The following ST8SIA6 variants were observed in gnomAD, a reference collection of about 807,000 sequenced individuals.
The protein encoded by ST8SIA6 is alpha-2,8-sialyltransferase 8F.
In ST8SIA6, 39 loss-of-function variants were observed where a neutral mutation model predicts 33.6. That is an observed-to-expected ratio of 1.16 (90% CI 0.90 to 1.52). The LOEUF is 1.52. ST8SIA6 is among the 40% of genes most tolerant of loss of function. ST8SIA6 has a pLI of 0.00. For missense variants in ST8SIA6, 441 were observed against 443.8 expected (o/e 0.99, Z 0.06); for synonymous variants, 172 against 167.2 (o/e 1.03, Z -0.22).
At chr10:17,385,303 T>C (rs1459783302) in intron 3 of ST8SIA6, among the ~76,000 whole-genome samples, 2 of 152,164 alleles carry the variant, frequency 1.3e-5, no homozygotes, top group Non-Finnish European at 2.9e-5. Flanking sequence ...ACACTTCGAG[T>C]CTTCCTGCCT....
chr10:17,400,614 G>A (rs1051939860), intron 2 of ST8SIA6, among the ~76,000 whole-genome samples: 1 of 152,158 alleles, frequency 6.6e-6, no homozygotes, highest in Admixed American at 6.5e-5. Flanking sequence ...GGGATGCAAG[G>A]CTGGTTCAAC....
intron 3 of ST8SIA6, among the ~76,000 whole-genome samples, chr10:17,379,824 C>T (rs748707191): frequency 2.0e-5 from 3 of 152,262 alleles, no homozygotes; most frequent in South Asian, 2.1e-4. Flanking sequence ...TGTCCTCAAC[C>T]GTGGCAAAAT....
chr10:17,429,014 T>C (rs1448999075), intron 2 of ST8SIA6, among the ~76,000 whole-genome samples: 1 of 152,034 alleles, frequency 6.6e-6, no homozygotes, highest in Non-Finnish European at 1.5e-5. Context: ...GTGTGGGGAT[T>C]CATGATGATA....
At chr10:17,438,522 C>T (rs1383350119) in intron 2 of ST8SIA6, among the ~76,000 whole-genome samples, 1 of 152,004 alleles carries the variant, frequency 6.6e-6, no homozygotes, top group African/African-American at 2.4e-5. Context: ...AAATAGGACA[C>T]ATATCTCAAT....
rs188355419 is a variant in ST8SIA6, at chr10:17,318,576, G to T, written c.*2302C>A. On this transcript the variant is annotated 3_prime_UTR_variant, in exon 8 of 8. Transcript: ENST00000377602. ...CTTTCCATTCTCAATGCCCTTAGAT[G>T]TACTTGAGTTTTAAGAGCAGAAGAT... is the stretch of plus-strand genomic sequence containing the variant. The T allele has an allele frequency of 9.0e-5, 39 of 431,848 alleles. No homozygotes were observed. Among genetic ancestry groups the T allele is most frequent in the African/African-American group, 7.8e-4 (38 of 48,658 alleles). 26.8% of individuals were successfully genotyped at this position (431,848 alleles called of 1,614,324 possible).
rs1434280513 is a variant in ST8SIA6, at chr10:17,453,638, T to G, written c.121A>C (p.Arg41=). The change falls in exon 2 of 8, where the codon AGG becomes CGG. Residue 41 remains arginine, a synonymous_variant. Coordinates refer to ENST00000377602, the MANE Select transcript of ST8SIA6 (RefSeq NM_001004470.3). Reference sequence around the variant, plus strand: ...GCGGGGGTGCCGTGGGTGGCCTCCCTGCTTTCCTCCACCAGAATCCTGCAC... The same window carrying G: ...GCGGGGGTGCCGTGGGTGGCCTCCCGGCTTTCCTCCACCAGAATCCTGCAC... ...GRARILVEES[R]EATHGTPAAL... 1.5e-6 allele frequency: 2 copies of G among 1,324,410 alleles called. No individual in the cohort carries two copies. The highest frequency in any genetic ancestry group is 3.0e-5 in the African/African-American group (2 of 66,478). The allele number at this position is 1,324,410 out of a possible 1,614,324, so 82.0% of individuals were successfully genotyped here. A position where few individuals can be genotyped will look rare whatever the true frequency, so the allele number is the denominator to read the frequency against.
At chr10:17,442,607 T>C (rs1000497066) in intron 2 of ST8SIA6, among the ~76,000 whole-genome samples, 3 of 152,216 alleles carry the variant, frequency 2.0e-5, no homozygotes, top group African/African-American at 7.2e-5. Flanking sequence ...TATGTGATCA[T>C]TAATCTCCAA....
intron 2 of ST8SIA6, among the ~76,000 whole-genome samples, chr10:17,419,269 C>T (rs1271047027): frequency 1.3e-5 from 2 of 151,092 alleles, no homozygotes; most frequent in Non-Finnish European, 3.0e-5. Flanking sequence ...CAGTGGCTCA[C>T]ACCTGTAATC....
intron 3 of ST8SIA6, among the ~76,000 whole-genome samples, chr10:17,378,173 T>C (rs1487894307): frequency 6.6e-6 from 1 of 152,176 alleles, no homozygotes; most frequent in Non-Finnish European, 1.5e-5. Context: ...CATGGGGGTA[T>C]GGGCACCCGG....
intron 2 of ST8SIA6, among the ~76,000 whole-genome samples, chr10:17,410,905 TGA>T (rs1183713724): frequency 6.6e-6 from 1 of 152,184 alleles, no homozygotes; most frequent in Non-Finnish European, 1.5e-5. Context: ...AATGAAAGTG[TGA>T]GAGAATTGGC....
intron 3 of ST8SIA6, among the ~76,000 whole-genome samples, chr10:17,385,467 C>A (rs978727971): frequency 1.3e-5 from 2 of 150,294 alleles, no homozygotes; most frequent in African/African-American, 2.5e-5. Context: ...CGGAGTGAGT[C>A]GGAAAAAGGA....
rs542608082 is a variant in ST8SIA6 at position 17,354,127 on chromosome 10, T to TA, written c.377+5386dup. Among the ~76,000 whole-genome samples the TA allele has an allele frequency of 3.3e-5, 5 of 152,260 alleles. No homozygotes were observed. The South Asian group carries it at 8.3e-4, about 25-fold the overall frequency. On this transcript the variant is annotated intron_variant, in intron 4 of 7. Transcript: ENST00000377602. ...ACTGGAGCTCAAAGATCTGCGGGGATAAAACCTGCTTACCAGAAGTTTCCA... is the reference window on the plus strand; with the variant it reads ...ACTGGAGCTCAAAGATCTGCGGGGATAAAAACCTGCTTACCAGAAGTTTCCA...
intron 2 of ST8SIA6, among the ~76,000 whole-genome samples, chr10:17,413,128 C>T (rs762961994): frequency 3.9e-5 from 6 of 152,148 alleles, no homozygotes; most frequent in African/African-American, 1.4e-4. Flanking sequence ...TCTTTTTCAA[C>T]TCTATCAAAG....
intron 2 of ST8SIA6, among the ~76,000 whole-genome samples, chr10:17,423,348 C>T (rs971713570): frequency 3.3e-5 from 5 of 152,226 alleles, no homozygotes; most frequent in East Asian, 3.9e-4. Context: ...CATCTGTTTT[C>T]GTAGCATCTT....
intron 2 of ST8SIA6, among the ~76,000 whole-genome samples, chr10:17,404,880 T>A (rs74854812): frequency 0.032 from 4,937 of 152,304 alleles, 82 homozygotes; most frequent in South Asian, 0.055. Context: ...CTTCTTTAAC[T>A]GAGCTATTTT....
intron 2 of ST8SIA6, among the ~76,000 whole-genome samples, chr10:17,411,136 CAGAA>C (rs1248960743): frequency 6.6e-6 from 1 of 152,066 alleles, no homozygotes; most frequent in Non-Finnish European, 1.5e-5. Context: ...TCAGACAACT[CAGAA>C]GGAATAACCC....
At chr10:17,388,693 ACTGACTACAT>A (rs1850471751) in intron 3 of ST8SIA6, among the ~76,000 whole-genome samples, 2 of 152,180 alleles carry the variant, frequency 1.3e-5, no homozygotes, top group South Asian at 4.1e-4. Context: ...ATCAGACCTA[ACTGACTACAT>A]CTTGCTTCTA....
intron 2 of ST8SIA6, among the ~76,000 whole-genome samples, chr10:17,453,083 TAAG>T (rs1852973756): frequency 6.6e-6 from 1 of 151,646 alleles, no homozygotes; most frequent in Admixed American, 6.6e-5. Context: ...ATGTGAATGA[TAAG>T]AAAAAAAATT....
Position 17,320,153 on chromosome 10 carries a change from A to T in ST8SIA6, c.*725T>A, listed in dbSNP as rs1229073246. On this transcript the variant is annotated 3_prime_UTR_variant, in exon 8 of 8. Transcript: ENST00000377602. Reference sequence around the variant, plus strand: ...ACAGGTAAGAAAGACTGGGTATTGTAACTGTTCACGTCCTTGAAGTATATC... The same window carrying T: ...ACAGGTAAGAAAGACTGGGTATTGTTACTGTTCACGTCCTTGAAGTATATC... 1 of 152,212 alleles carries T rather than the reference A, an allele frequency of 6.6e-6. No individual in the cohort carries two copies. The highest frequency in any genetic ancestry group is 1.5e-5 in the Non-Finnish European group (1 of 68,040). 9.4% of individuals were successfully genotyped at this position (152,212 alleles called of 1,614,324 possible).
Sources: gnomAD v4.1 joint callset for allele counts (sites outside exome capture counted in the v4.1 genomes callset) on GRCh38, gnomAD v4.1.1 for gene constraint, MANE v1.5 for transcripts, NCBI Gene and HGNC (gene_info 2026-07-23, HGNC 2026-07-21) for gene names.